PHF24: variants seen among roughly 807,000 people sequenced by gnomAD.
PHF24 encodes Galpha inhibitory interacting protein.
PHF24 carries 25 observed loss-of-function variants against 42.6 expected under a neutral mutation model. The ratio of observed to expected loss-of-function variants is 0.59; its 90% CI spans 0.43 to 0.82. The LOEUF (loss-of-function observed/expected upper bound fraction) is 0.82, where lower values mean the gene tolerates loss of function less well. PHF24 is among the 40% of genes least tolerant of loss of function. The pLI is 0.00. For synonymous variants in PHF24, 185 were observed against 204.8 expected, an observed-to-expected ratio of 0.90 and a Z score of 0.83; for missense variants, 470 against 538.1, an observed-to-expected ratio of 0.87 and a Z score of 1.25.
At chr9:34,746,146 A>C in the PHF24 span, among the ~76,000 whole-genome samples, 3 of 152,178 alleles carry the variant, frequency 2.0e-5, no homozygotes, top group Non-Finnish European at 4.4e-5. Flanking sequence ...GATAAGAAGG[A>C]GGGGTTCTGG....
At chr9:34,917,460 A>G in the PHF24 span, 1 of 769,710 alleles carries the variant, frequency 1.3e-6, no homozygotes, top group Non-Finnish European at 2.4e-6. Flanking sequence ...GATCCTAACA[A>G]GCTGGTATTG....
the PHF24 span, among the ~76,000 whole-genome samples, chr9:34,721,056 T>C: frequency 3.9e-4 from 60 of 152,302 alleles, no homozygotes; most frequent in Admixed American, 9.8e-4. Context: ...AAGAATCCTT[T>C]CTTCTAATCC....
chr9:34,740,744 A>G, the PHF24 span, among the ~76,000 whole-genome samples: 1 of 152,236 alleles, frequency 6.6e-6, no homozygotes, highest in African/African-American at 2.4e-5. Flanking sequence ...CAGTGGAAAC[A>G]ACCTAAGCAT....
chr9:34,754,519 C>G, the PHF24 span, among the ~76,000 whole-genome samples: 5 of 151,972 alleles, frequency 3.3e-5, no homozygotes, highest in African/African-American at 4.8e-5. Flanking sequence ...CGTCTTGCCC[C>G]AGTTAAAATA....
At chr9:34,865,529 A>C in the PHF24 span, among the ~76,000 whole-genome samples, 3 of 152,116 alleles carry the variant, frequency 2.0e-5, no homozygotes, top group African/African-American at 7.2e-5. Flanking sequence ...GCACCACTGT[A>C]CTCCAGCCTG....
At chr9:34,928,122 A>C in the PHF24 span, among the ~76,000 whole-genome samples, 1 of 150,604 alleles carries the variant, frequency 6.6e-6, no homozygotes, top group Non-Finnish European at 1.5e-5. Flanking sequence ...AGGCTGAGAC[A>C]GGAGAGTCGC....
chr9:34,865,004 C>T, the PHF24 span, among the ~76,000 whole-genome samples: 15 of 151,912 alleles, frequency 9.9e-5, no homozygotes, highest in African/African-American at 3.6e-4. Context: ...CATGGTGAAA[C>T]CCTGTCTCTA....
chr9:34,789,408 C>T, the PHF24 span, among the ~76,000 whole-genome samples: 5 of 152,228 alleles, frequency 3.3e-5, no homozygotes, highest in Non-Finnish European at 5.9e-5. Context: ...GAGGACTCTG[C>T]ATTTCCCCAT....
the PHF24 span, among the ~76,000 whole-genome samples, chr9:34,877,468 G>T: frequency 1.6e-4 from 25 of 152,108 alleles, no homozygotes; most frequent in Admixed American, 6.5e-4. Flanking sequence ...GGGTCTCAGG[G>T]TTTTGGGGAG....
the PHF24 span, among the ~76,000 whole-genome samples, chr9:34,700,133 A>AGGGT: frequency 2.6e-5 from 4 of 152,282 alleles, no homozygotes; most frequent in South Asian, 4.1e-4. Flanking sequence ...CCAAAAGGGG[A>AGGGT]GGGTGGTAGG....
At chr9:34,941,754 A>G in the PHF24 span, among the ~76,000 whole-genome samples, 1 of 152,180 alleles carries the variant, frequency 6.6e-6, no homozygotes, top group Non-Finnish European at 1.5e-5. Context: ...GCTCTCTGCC[A>G]AACAAGCTCC....
At chr9:34,711,389 T>A in the PHF24 span, among the ~76,000 whole-genome samples, 13 of 151,760 alleles carry the variant, frequency 8.6e-5, no homozygotes, top group Non-Finnish European at 1.3e-4. Flanking sequence ...GGGGCCACCA[T>A]GCCTGGCTAA....
chr9:34,843,007 C>G, the PHF24 span, among the ~76,000 whole-genome samples: 23 of 152,138 alleles, frequency 1.5e-4, no homozygotes, highest in Admixed American at 8.5e-4. Context: ...TCTGTGTCAT[C>G]CATTTTTATG....
the PHF24 span, among the ~76,000 whole-genome samples, chr9:34,921,321 A>C: frequency 6.6e-6 from 1 of 152,068 alleles, no homozygotes; most frequent in Non-Finnish European, 1.5e-5. Flanking sequence ...TTCCGTGTTA[A>C]CTATTTTTAC....
chr9:34,917,006 T>C, the PHF24 span, among the ~76,000 whole-genome samples: 1 of 152,204 alleles, frequency 6.6e-6, no homozygotes, highest in African/African-American at 2.4e-5. Context: ...AACTCTTGAA[T>C]ACTAGAATAT....
At chr9:34,710,238 C>A in the PHF24 span, 1 of 621,958 alleles carries the variant, frequency 1.6e-6, no homozygotes, top group South Asian at 2.0e-5. Context: ...TTTGCTGGCA[C>A]CCAGCCCCAC....
intron 1 of PHF24, among the ~76,000 whole-genome samples, chr9:34,962,355 T>C (rs1826620155): frequency 6.6e-6 from 1 of 151,804 alleles, no homozygotes; most frequent in Admixed American, 6.6e-5. Context: ...CTTCCTGGAA[T>C]GCTTTTTTTT....
At chr9:34,764,810 C>A in the PHF24 span, among the ~76,000 whole-genome samples, 1 of 152,020 alleles carries the variant, frequency 6.6e-6, no homozygotes, top group Non-Finnish European at 1.5e-5. Context: ...CATTTTGGAT[C>A]TTTCCTGCTT....
At chr9:34,917,695 G>T in the PHF24 span, 1 of 785,712 alleles carries the variant, frequency 1.3e-6, no homozygotes, top group African/African-American at 1.7e-5. Flanking sequence ...CCTATGGCAG[G>T]GACATCGTGG....
Sources: gnomAD v4.1 joint callset for allele counts (sites outside exome capture counted in the v4.1 genomes callset) on GRCh38, gnomAD v4.1.1 for gene constraint, MANE v1.5 for transcripts, NCBI Gene and HGNC (gene_info 2026-07-23, HGNC 2026-07-21) for gene names.